CCDC148: variants seen among roughly 807,000 people sequenced by gnomAD.
CCDC148 encodes the protein coiled-coil domain containing 148, also known as coiled-coil domain-containing protein 148.
CCDC148 carries 89 observed loss-of-function variants against 85.7 expected under a neutral mutation model. That is an observed-to-expected ratio of 1.04 (90% CI 0.87 to 1.24). The LOEUF (loss-of-function observed/expected upper bound fraction) is 1.24. Among genes scored for constraint, CCDC148 ranks in the 50% most tolerant of loss-of-function variants. CCDC148 has a pLI of 0.00. For missense variants in CCDC148, 692 were observed against 671.7 expected (o/e 1.03, Z -0.33); for synonymous variants, 230 against 213.9 (o/e 1.08, Z -0.66).
chr2:158,389,799 AT>A (rs1685232377), intron 1 of CCDC148, among the ~76,000 whole-genome samples: 1 of 152,234 alleles, frequency 6.6e-6, no homozygotes, highest in South Asian at 2.1e-4. Flanking sequence ...TGCAGATGAA[AT>A]GTCCTGCTCT....
chr2:158,235,047 T>C (rs1688037520), intron 10 of CCDC148, among the ~76,000 whole-genome samples: 1 of 152,156 alleles, frequency 6.6e-6, no homozygotes, highest in East Asian at 1.9e-4. Context: ...ACCTGGGTGA[T>C]ACAATAATCT....
chr2:158,217,535 TG>T (rs1389283353), intron 11 of CCDC148, among the ~76,000 whole-genome samples: 1 of 151,894 alleles, frequency 6.6e-6, no homozygotes, highest in African/African-American at 2.4e-5. Flanking sequence ...CCCAAGTAGC[TG>T]GGTCTACAGG....
At position 158,340,333 on chromosome 2, in the gene CCDC148, T is replaced by G; in HGVS notation, c.395A>C (p.Gln132Pro). Residue 132 changes from glutamine to proline, a missense_variant, in exon 5 of 14, where the codon CAG becomes CCG. Gln to Pro is a moderately conservative substitution (Grantham distance 76, BLOSUM62 -1). Transcript: ENST00000283233. Reference sequence around the variant, plus strand: ...TCTGTATTTTAGATCTGCTCTCAGCTGCTGAATAGGATTTATTACATTTTT... The same window carrying G: ...TCTGTATTTTAGATCTGCTCTCAGCGGCTGAATAGGATTTATTACATTTTT... ...YLKNVINPIQ[Q>P]LRADLKYRQH... 6.2e-7 allele frequency: 1 copy of G among 1,614,002 alleles called. No homozygotes were observed. The highest frequency in any genetic ancestry group is 8.5e-7 in the Non-Finnish European group (1 of 1,179,948).
At position 158,388,643 on chromosome 2, in the gene CCDC148, C is replaced by T. The variant is rs1050023796; in HGVS notation, c.26-30073G>A. On this transcript the variant is annotated intron_variant, in intron 1 of 13. Coordinates refer to ENST00000283233, the MANE Select transcript of CCDC148 (RefSeq NM_138803.4). The stretch of plus-strand genomic sequence containing the variant: ...CCAAGTAGCTGGGACTACTGGTGCC[C>T]GCCACAATGCTCGGATAATTTTTGT... 5.3e-5 allele frequency among the ~76,000 whole-genome samples: 8 copies of T among 151,944 alleles called. No homozygotes were observed. In the East Asian group the frequency reaches 5.8e-4, roughly 11 times the overall value.
At chr2:158,440,409 C>A (rs1404945659) in intron 1 of CCDC148, among the ~76,000 whole-genome samples, 1 of 152,070 alleles carries the variant, frequency 6.6e-6, no homozygotes, top group Non-Finnish European at 1.5e-5. Flanking sequence ...TAACCAAAAA[C>A]TGAAACAACT....
At chr2:158,302,500 T>C (rs915725962) in intron 9 of CCDC148, among the ~76,000 whole-genome samples, 1 of 152,074 alleles carries the variant, frequency 6.6e-6, no homozygotes, top group East Asian at 1.9e-4. Context: ...AAGACAATTA[T>C]GAGGGCCGGG....
At chr2:158,295,417 A>G (rs1287826620) in intron 9 of CCDC148, among the ~76,000 whole-genome samples, 1 of 152,174 alleles carries the variant, frequency 6.6e-6, no homozygotes, top group Non-Finnish European at 1.5e-5. Flanking sequence ...CAGAGACACA[A>G]CAAAAAAAGA....
chr2:158,288,520 G>A (rs933882607), intron 9 of CCDC148: 4 of 153,650 alleles, frequency 2.6e-5, no homozygotes, highest in African/African-American at 9.7e-5. Context: ...CTAGGGCAGG[G>A]GCAAAAAGAG....
chr2:158,277,746 G>A (rs941640032), intron 9 of CCDC148, among the ~76,000 whole-genome samples: 10 of 152,052 alleles, frequency 6.6e-5, no homozygotes, highest in East Asian at 1.9e-4. Context: ...ACAGGCGCCC[G>A]CCATCATGCC....
At chr2:158,185,461 C>A (rs1179815265) in intron 11 of CCDC148, among the ~76,000 whole-genome samples, 1 of 152,140 alleles carries the variant, frequency 6.6e-6, no homozygotes, top group African/African-American at 2.4e-5. Context: ...ATTTCGGCAG[C>A]TCCAAGGGTT....
intron 9 of CCDC148, among the ~76,000 whole-genome samples, chr2:158,308,621 T>C (rs987305394): frequency 2.6e-5 from 4 of 152,222 alleles, no homozygotes; most frequent in Non-Finnish European, 5.9e-5. Flanking sequence ...CTTCCTACCA[T>C]ATCATTTATC....
chr2:158,327,342 C>CAA (rs2105227189), intron 7 of CCDC148, among the ~76,000 whole-genome samples: 1 of 152,272 alleles, frequency 6.6e-6, no homozygotes, highest in African/African-American at 2.4e-5. Context: ...AAAAACTATT[C>CAA]AAACTCTTTA....
At chr2:158,408,724 T>A (rs926489265) in intron 1 of CCDC148, among the ~76,000 whole-genome samples, 1 of 152,136 alleles carries the variant, frequency 6.6e-6, no homozygotes, top group African/African-American at 2.4e-5. Flanking sequence ...TGCAATTAAC[T>A]GATTTCATTT....
intron 7 of CCDC148, among the ~76,000 whole-genome samples, chr2:158,324,403 C>T (rs909040979): frequency 2.0e-5 from 3 of 152,036 alleles, no homozygotes; most frequent in Non-Finnish European, 4.4e-5. Context: ...TAGAAATATC[C>T]TTTATATAAT....
intron 1 of CCDC148, among the ~76,000 whole-genome samples, chr2:158,420,531 A>G (rs1254337931): frequency 6.6e-6 from 1 of 152,204 alleles, no homozygotes; most frequent in African/African-American, 2.4e-5. Flanking sequence ...ACAGACAAGC[A>G]AATACTGAGA....
chr2:158,353,477 AG>A (rs370673875), intron 2 of CCDC148, among the ~76,000 whole-genome samples: 26,315 of 150,660 alleles, frequency 0.17, 2,942 homozygotes, highest in Middle Eastern at 0.25. Flanking sequence ...AAAGAGACAA[AG>A]AAGGCCATTA....
At chr2:158,278,870 G>C (rs1690107267) in intron 9 of CCDC148, among the ~76,000 whole-genome samples, 1 of 152,232 alleles carries the variant, frequency 6.6e-6, no homozygotes, top group Admixed American at 6.5e-5. Context: ...CTAACTGGGA[G>C]GCACTCCCCA....
chr2:158,377,610 G>A (rs1457000202), intron 1 of CCDC148, among the ~76,000 whole-genome samples: 1 of 152,018 alleles, frequency 6.6e-6, no homozygotes, highest in African/African-American at 2.4e-5. Context: ...ACCTTGTTTT[G>A]TGCTTCATTT....
chr2:158,336,679 T>G (rs988737490), intron 7 of CCDC148, among the ~76,000 whole-genome samples: 1 of 152,198 alleles, frequency 6.6e-6, no homozygotes, highest in Non-Finnish European at 1.5e-5. Context: ...GAACTTTATA[T>G]TCCTCCAAAG....
Sources: allele counts gnomAD v4.1 joint callset (sites outside exome capture counted in the v4.1 genomes callset), GRCh38; gene constraint gnomAD v4.1.1; transcripts MANE v1.5; gene names NCBI Gene and HGNC (gene_info 2026-07-23, HGNC 2026-07-21).